The following PDE8B variants were observed in gnomAD, a reference collection of about 807,000 sequenced individuals.
The protein encoded by PDE8B is phosphodiesterase 8B, also known as high affinity cAMP-specific and IBMX-insensitive 3',5'-cyclic phosphodiesterase 8B.
PDE8B carries 26 observed loss-of-function variants against 101.3 expected under a neutral mutation model. That is an observed-to-expected ratio of 0.26 (90% confidence interval 0.19 to 0.36). The LOEUF (loss-of-function observed/expected upper bound fraction) is 0.36. Among genes scored for constraint, PDE8B ranks in the 10% least tolerant of loss-of-function variants. The pLI is 1.00. For synonymous variants in PDE8B, 424 were observed against 429.3 expected, an observed-to-expected ratio of 0.99 and a Z score of 0.15; for missense variants, 810 against 1,163.1, an observed-to-expected ratio of 0.70 and a Z score of 4.42.
chr5:77,360,339 G>A (rs1040263368), intron 10 of PDE8B, among the ~76,000 whole-genome samples: 8 of 152,004 alleles, frequency 5.3e-5, no homozygotes, highest in Admixed American at 1.3e-4. Flanking sequence ...TGCTCACTCC[G>A]GAGGCTTGTA....
At chr5:77,232,871 G>T (rs185461536) in intron 1 of PDE8B, among the ~76,000 whole-genome samples, 2 of 152,192 alleles carry the variant, frequency 1.3e-5, no homozygotes, top group South Asian at 2.1e-4. Flanking sequence ...GTAATCCAGG[G>T]TTAACAAATA....
chr5:77,418,606 C>T (rs1378343444), intron 18 of PDE8B, among the ~76,000 whole-genome samples, 160 bp downstream of exon 18: 5 of 152,122 alleles, frequency 3.3e-5, no homozygotes, highest in African/African-American at 1.2e-4. Flanking sequence ...TTCAGACTGC[C>T]TTTATGTTTT....
At chr5:77,314,905 T>A (rs1773472447) in intron 2 of PDE8B, among the ~76,000 whole-genome samples, 1 of 152,200 alleles carries the variant, frequency 6.6e-6, no homozygotes, top group Non-Finnish European at 1.5e-5. Context: ...TTATCATGAT[T>A]TAAATTTGCA....
chr5:77,392,335 AGTT>A (rs1230305107), intron 10 of PDE8B, among the ~76,000 whole-genome samples: 1 of 152,172 alleles, frequency 6.6e-6, no homozygotes, highest in Non-Finnish European at 1.5e-5. Flanking sequence ...TGACAACTCT[AGTT>A]GTCAGAAAGG....
chr5:77,296,860 C>T (rs1419352678), intron 1 of PDE8B, among the ~76,000 whole-genome samples: 1 of 152,108 alleles, frequency 6.6e-6, no homozygotes, highest in Non-Finnish European at 1.5e-5. Context: ...GTGTACTTCT[C>T]TGCCTCTCCT....
chr5:77,272,544 C>G (rs1763006034), intron 1 of PDE8B, among the ~76,000 whole-genome samples: 2 of 152,186 alleles, frequency 1.3e-5, no homozygotes, highest in African/African-American at 4.8e-5. Flanking sequence ...TTCCAGAAAG[C>G]CTTCCTTGAC....
chr5:77,129,266 T>C, the PDE8B span, among the ~76,000 whole-genome samples: 1 of 152,146 alleles, frequency 6.6e-6, no homozygotes, highest in African/African-American at 2.4e-5. Context: ...TACCTGAGGA[T>C]TTTTTCAAAA....
At chr5:77,183,040 A>G in the PDE8B span, among the ~76,000 whole-genome samples, 11 of 151,882 alleles carry the variant, frequency 7.2e-5, no homozygotes, top group Admixed American at 4.6e-4. Context: ...GGCGCTAGGC[A>G]TTGGACTAAG....
chr5:77,196,263 A>G, the PDE8B span, among the ~76,000 whole-genome samples: 2 of 152,150 alleles, frequency 1.3e-5, no homozygotes, highest in Non-Finnish European at 2.9e-5. Context: ...TTGATGTACA[A>G]AAACTTTTTA....
the PDE8B span, among the ~76,000 whole-genome samples, chr5:77,166,110 G>A: frequency 2.0e-5 from 3 of 151,646 alleles, no homozygotes; most frequent in African/African-American, 7.3e-5. Context: ...TTAGGTTGAG[G>A]AGAAGCAGAA....
rs71594634 is a variant in PDE8B, at chr5:77,423,632, G to GTTTTTTTTTTTTTTTTTTTTTT, written c.2418+1650_2418+1671dup. Among the ~76,000 whole-genome samples, 74 of 74,036 alleles carry GTTTTTTTTTTTTTTTTTTTTTT rather than the reference G, an allele frequency of 1.0e-3. 17 individuals are homozygous for GTTTTTTTTTTTTTTTTTTTTTT. The highest frequency in any genetic ancestry group is 1.3e-3 in the Non-Finnish European group (51 of 38,402). The allele number at this position is 74,036 out of a possible 152,430, so 48.6% of individuals were successfully genotyped here. On this transcript the variant is annotated intron_variant, in intron 20 of 21. Coordinates refer to ENST00000264917, the MANE Select transcript of PDE8B (RefSeq NM_003719.5). ...TGATGCTGGACTTTTGTTTTGTTTA[G>GTTTTTTTTTTTTTTTTTTTTTT]TTTTTTTTTTTTTTTTTTTTTTTTT...
chr5:77,178,357 T>C, the PDE8B span, among the ~76,000 whole-genome samples: 1 of 152,240 alleles, frequency 6.6e-6, no homozygotes, highest in Admixed American at 6.5e-5. Context: ...TGGGTTGTTT[T>C]TGCATCAGAC....
chr5:77,298,717 C>A (rs963241280), intron 1 of PDE8B, among the ~76,000 whole-genome samples: 2 of 152,120 alleles, frequency 1.3e-5, no homozygotes, highest in Non-Finnish European at 2.9e-5. Context: ...CCCCGGGAAT[C>A]CTTATGTGTG....
chr5:77,176,937 G>A, the PDE8B span, among the ~76,000 whole-genome samples: 1 of 152,166 alleles, frequency 6.6e-6, no homozygotes, highest in African/African-American at 2.4e-5. Flanking sequence ...CCTCCAGCTA[G>A]ACTTGGAATT....
the PDE8B span, among the ~76,000 whole-genome samples, chr5:77,094,866 C>T: frequency 1.3e-5 from 2 of 152,106 alleles, no homozygotes; most frequent in African/African-American, 2.4e-5. Context: ...AGAACTCATA[C>T]CCCCCAGGTA....
At position 77,413,137 on chromosome 5, in the gene PDE8B, T is replaced by G; in HGVS notation, c.1739T>G (p.Val580Gly). ...CCATTGGTTTATCTGGGCTTAAAGG[T>G]CTTCTCTCGGTTTGGAGTATGTGAA... ...KRPLVYLGLK[V>G]FSRFGVCEFL... The change falls in exon 17 of 22, where the codon GTC becomes GGC. Residue 580 changes from valine (V) to glycine (G), a missense_variant. Transcript: ENST00000264917. The G allele has an allele frequency of 6.2e-7, 1 of 1,614,066 alleles. No individual in the cohort carries two copies. Among genetic ancestry groups the G allele is most frequent in the Non-Finnish European group, 8.5e-7 (1 of 1,179,952 alleles).
chr5:77,095,925 T>C, the PDE8B span, among the ~76,000 whole-genome samples: 1 of 152,282 alleles, frequency 6.6e-6, no homozygotes, highest in East Asian at 1.9e-4. Flanking sequence ...TATTCAGACA[T>C]GTTATACAAG....
intron 1 of PDE8B, among the ~76,000 whole-genome samples, chr5:77,309,943 C>CCCTTTTT (rs1772186202): frequency 2.6e-5 from 3 of 114,146 alleles, no homozygotes; most frequent in Admixed American, 1.0e-4. Context: ...AATCATTAAT[C>CCCTTTTT]TTTTTTTTTT....
the PDE8B span, among the ~76,000 whole-genome samples, chr5:77,156,743 T>G: frequency 6.6e-6 from 1 of 151,950 alleles, no homozygotes; most frequent in South Asian, 2.1e-4. Flanking sequence ...AGGAAGGAGC[T>G]CCACCCCTCA....
Sources: gnomAD v4.1 joint callset for allele counts (sites outside exome capture counted in the v4.1 genomes callset) on GRCh38, gnomAD v4.1.1 for gene constraint, MANE v1.5 for transcripts, NCBI Gene and HGNC (gene_info 2026-07-23, HGNC 2026-07-21) for gene names.